IL31RA: variants seen among roughly 807,000 people sequenced by gnomAD.
IL31RA encodes the protein interleukin 31 receptor A.
In IL31RA, 66 loss-of-function variants were observed where a neutral mutation model predicts 83.7. That is an observed-to-expected ratio of 0.79 (90% CI 0.65 to 0.97). The LOEUF (loss-of-function observed/expected upper bound fraction) is 0.97. IL31RA is among the 50% of genes least tolerant of loss of function. The pLI, the probability that IL31RA is intolerant of heterozygous loss-of-function variation, is 0.00. For missense variants in IL31RA, 798 were observed against 919.4 expected (o/e 0.87, Z 1.71); for synonymous variants, 325 against 329.0 (o/e 0.99, Z 0.13).
chr5:55,841,760 C>T, the IL31RA span, among the ~76,000 whole-genome samples: 2 of 152,138 alleles, frequency 1.3e-5, no homozygotes, highest in South Asian at 2.1e-4. Context: ...GATCCTATCT[C>T]GATGAAAGGG....
the IL31RA span, chr5:55,839,841 A>T: frequency 4.1e-3 from 3,099 of 755,264 alleles, 71 homozygotes; most frequent in African/African-American, 0.047. Flanking sequence ...TCATTTTCTG[A>T]TTCAAGTTCA....
chr5:55,857,637 G>A (rs1276343777), intron 1 of IL31RA, among the ~76,000 whole-genome samples: 1 of 152,186 alleles, frequency 6.6e-6, no homozygotes, highest in Admixed American at 6.5e-5. Context: ...TTCTGTCTCT[G>A]CAAGTGGACC....
chr5:55,885,661 G>A (rs1747552079), intron 5 of IL31RA, among the ~76,000 whole-genome samples: 1 of 152,212 alleles, frequency 6.6e-6, no homozygotes, highest in African/African-American at 2.4e-5. Flanking sequence ...GCGGGTCAGA[G>A]ATTCTCTGGG....
chr5:55,906,098 C>T lies in IL31RA; in HGVS notation c.1070-8C>T, dbSNP rs1408155938. The T allele has an allele frequency of 8.7e-6, 14 of 1,613,238 alleles. No homozygotes were observed. The highest frequency in any genetic ancestry group is 1.2e-5 in the Non-Finnish European group (14 of 1,179,874). Reference sequence around the variant, plus strand: ...TAGCTGTGAAGCAGTCCTTTTCTCTCCTTTCAGCATTTCAGTGCATTGAGG... The same window carrying T: ...TAGCTGTGAAGCAGTCCTTTTCTCTTCTTTCAGCATTTCAGTGCATTGAGG... On this transcript the variant is annotated splice_region_variant and splice_polypyrimidine_tract_variant and intron_variant, in intron 8 of 14. Coordinates refer to ENST00000652347, the MANE Select transcript of IL31RA (RefSeq NM_139017.7).
intron 2 of IL31RA, among the ~76,000 whole-genome samples, chr5:55,862,353 A>G (rs1017180734): frequency 6.6e-6 from 1 of 152,158 alleles, no homozygotes; most frequent in African/African-American, 2.4e-5. Flanking sequence ...TAAATTCCAA[A>G]TTTTATTTGG....
At chr5:55,902,284 G>A (rs1748871268) in intron 8 of IL31RA, 4 of 152,052 alleles carry the variant, frequency 2.6e-5, no homozygotes, top group Admixed American at 2.6e-4. Context: ...TTTGCTATCT[G>A]GCTCTTTACA....
At chr5:55,876,386 CAG>C (rs1217051499) in intron 4 of IL31RA, among the ~76,000 whole-genome samples, 7 of 152,290 alleles carry the variant, frequency 4.6e-5, no homozygotes, top group African/African-American at 1.7e-4. Flanking sequence ...AGCCTGGTAA[CAG>C]AGCAAGATTC....
At chr5:55,859,441 G>T (rs578091109) in intron 1 of IL31RA, 68 bp from the exon 2 acceptor site, 68 of 1,087,276 alleles carry the variant, frequency 6.3e-5, no homozygotes, top group Non-Finnish European at 8.3e-5. Flanking sequence ...GAATCTATTT[G>T]CCATTGGAAA....
chr5:55,883,094 A>G lies in IL31RA; in HGVS notation c.505A>G (p.Lys169Glu). Residue 169 changes from lysine to glutamate, a missense_variant, in exon 5 of 15, where the codon AAA (lysine) becomes GAA (glutamate). Coordinates refer to ENST00000652347, the MANE Select transcript of IL31RA (RefSeq NM_139017.7). Reference sequence around the variant, plus strand: ...CCGTGTGAAACCAGTTTTGGGCATCAAACGAATGATTCAAATTGAATGGAT... The same window carrying G: ...CCGTGTGAAACCAGTTTTGGGCATCGAACGAATGATTCAAATTGAATGGAT... ...IFRVKPVLGI[K>E]RMIQIEWIKP... The G allele has an allele frequency of 6.2e-7, 1 of 1,614,130 alleles. No homozygotes were observed. The highest frequency in any genetic ancestry group is 8.5e-7 in the Non-Finnish European group (1 of 1,179,972).
At chr5:55,864,813 T>C (rs972003608) in intron 2 of IL31RA, among the ~76,000 whole-genome samples, 2 of 150,168 alleles carry the variant, frequency 1.3e-5, no homozygotes, top group African/African-American at 4.9e-5. Flanking sequence ...CATTCACACA[T>C]ATACTATGCA....
chr5:55,908,293 G>T lies in IL31RA; in HGVS notation c.1383G>T (p.Val461=), dbSNP rs371274070. ...GVPSEGPETK[V]ENIGVKTVTI... ...CATCAGAAGGTCCTGAGACCAAGGTGGAGAACATTGGCGTGAAGACGGTCA... is the reference window on the plus strand; with the variant it reads ...CATCAGAAGGTCCTGAGACCAAGGTTGAGAACATTGGCGTGAAGACGGTCA... The change falls in exon 11 of 15, where the codon GTG becomes GTT. Residue 461 remains valine (V), a synonymous_variant. Transcript: ENST00000652347. 66 of 1,614,022 alleles carry T rather than the reference G, an allele frequency of 4.1e-5. No individual in the cohort carries two copies. The highest frequency in any genetic ancestry group is 5.5e-5 in the Non-Finnish European group (65 of 1,180,046).
At chr5:55,905,171 A>G (rs1317122053) in intron 8 of IL31RA, among the ~76,000 whole-genome samples, 1 of 150,794 alleles carries the variant, frequency 6.6e-6, no homozygotes, top group African/African-American at 2.4e-5. Flanking sequence ...ACTGCACTCC[A>G]GCCTGGGTGA....
chr5:55,921,788 A>T lies in IL31RA; in HGVS notation c.*4668A>T, dbSNP rs889885963. ...CATGTCCCTGTGTTGACATTACAGA[A>T]TGTTCTCTGCCTCCGTGCTCCTGGG... is the stretch of plus-strand genomic sequence containing the variant. On this transcript the variant is annotated 3_prime_UTR_variant, in exon 15 of 15. Coordinates refer to ENST00000652347, the MANE Select transcript of IL31RA (RefSeq NM_139017.7). Among the ~76,000 whole-genome samples the T allele has an allele frequency of 3.9e-5, 6 of 152,126 alleles. No individual in the cohort carries two copies. Among genetic ancestry groups the T allele is most frequent in the Non-Finnish European group, 7.4e-5 (5 of 68,010 alleles).
intron 8 of IL31RA, among the ~76,000 whole-genome samples, chr5:55,904,604 G>A (rs2112546576): frequency 6.6e-6 from 1 of 152,298 alleles, no homozygotes; most frequent in African/African-American, 2.4e-5. Flanking sequence ...TACCTTTTCA[G>A]GTTGACAACT....
At chr5:55,847,279 AT>A (rs1744957874), upstream of IL31RA, among the ~76,000 whole-genome samples, 1 of 146,650 alleles carries the variant, frequency 6.8e-6, no homozygotes, top group Non-Finnish European at 1.5e-5. Context: ...AAATAAATAA[AT>A]AAATAAAAAG....
At chr5:55,850,920 G>A (rs150490330), upstream of IL31RA, among the ~76,000 whole-genome samples, 190 of 151,966 alleles carry the variant, frequency 1.3e-3, no homozygotes, top group African/African-American at 4.3e-3. Context: ...GAGAAACCCC[G>A]TCTCTACTAA....
intron 12 of IL31RA, among the ~76,000 whole-genome samples, chr5:55,912,653 C>A (rs945061000): frequency 2.0e-5 from 3 of 152,086 alleles, no homozygotes; most frequent in Admixed American, 6.6e-5. Context: ...AAAAATTAGC[C>A]GGGCTTGGTG....
chr5:55,863,742 C>T (rs921915810), intron 2 of IL31RA, among the ~76,000 whole-genome samples: 1 of 152,158 alleles, frequency 6.6e-6, no homozygotes, highest in Non-Finnish European at 1.5e-5. Flanking sequence ...CTGGGTTGAG[C>T]GGAAAATCAT....
At chr5:55,864,145 C>T (rs890953495) in intron 2 of IL31RA, among the ~76,000 whole-genome samples, 1 of 152,170 alleles carries the variant, frequency 6.6e-6, no homozygotes, top group Non-Finnish European at 1.5e-5. Context: ...TTTCCTTGTT[C>T]TCTGGCCAAG....
Sources: allele counts gnomAD v4.1 joint callset (sites outside exome capture counted in the v4.1 genomes callset), GRCh38; gene constraint gnomAD v4.1.1; transcripts MANE v1.5; gene names NCBI Gene and HGNC (gene_info 2026-07-23, HGNC 2026-07-21).